C10orf67: variants seen among roughly 807,000 people sequenced by gnomAD.
C10orf67 encodes the protein uncharacterized protein C10orf67, mitochondrial.
In C10orf67, 60 loss-of-function variants were observed where a neutral mutation model predicts 35.6. That is an observed-to-expected ratio of 1.68 (90% confidence interval 1.37 to 2.09). The LOEUF is 2.09. Among genes scored for constraint, C10orf67 ranks in the 30% most tolerant of loss-of-function variants. The pLI is 0.00. For missense variants in C10orf67, 474 were observed against 330.2 expected, an observed-to-expected ratio of 1.44 and a Z score of -3.38; for synonymous variants, 167 against 115.8, an observed-to-expected ratio of 1.44 and a Z score of -2.84.
chr10:23,252,481 T>G (rs542216210), intron 10 of C10orf67, among the ~76,000 whole-genome samples: 1 of 152,198 alleles, frequency 6.6e-6, no homozygotes, highest in Non-Finnish European at 1.5e-5. Context: ...GTTCACTCCG[T>G]AAATATTTGC....
intron 2 of C10orf67, among the ~76,000 whole-genome samples, chr10:23,325,475 TAAA>T (rs34980652): frequency 5.7e-5 from 6 of 106,024 alleles, no homozygotes; most frequent in Admixed American, 1.9e-4. Context: ...TTTGGGCTGC[TAAA>T]AAAAAAAAAA....
At chr10:23,229,823 T>C (rs1446823783) in intron 13 of C10orf67, among the ~76,000 whole-genome samples, 2 of 152,164 alleles carry the variant, frequency 1.3e-5, no homozygotes, top group African/African-American at 4.8e-5. Context: ...TAAAACTCTA[T>C]TGAAATAATA....
intron 2 of C10orf67, among the ~76,000 whole-genome samples, chr10:23,325,529 G>A (rs1226330094): frequency 7.3e-6 from 1 of 136,876 alleles, no homozygotes; most frequent in African/African-American, 2.7e-5. Flanking sequence ...AGTTAATTGT[G>A]TGCAAAAAAA....
At chr10:23,324,459 A>G (rs1845103821) in intron 2 of C10orf67, among the ~76,000 whole-genome samples, 1 of 152,136 alleles carries the variant, frequency 6.6e-6, no homozygotes, top group South Asian at 2.1e-4. Flanking sequence ...TCAAGGCCAC[A>G]TATGGTTTAC....
chr10:23,344,318 TGGGGAGGGAGCACGCGCGGGAGGA>T (rs1846049411), intron 1 of C10orf67: 4 of 435,404 alleles, frequency 9.2e-6, no homozygotes, highest in Middle Eastern at 5.7e-4. Flanking sequence ...GAAAGGAGGA[TGGGGAGGGAGCACGCGCGGGAGGA>T]GGGGAGTGGA....
chr10:23,307,993 T>C (rs893985715), intron 4 of C10orf67, among the ~76,000 whole-genome samples: 1 of 152,112 alleles, frequency 6.6e-6, no homozygotes, highest in African/African-American at 2.4e-5. Flanking sequence ...TGTCTACAGC[T>C]CAAACACTCT....
chr10:23,240,271 A>G (rs1447271669), intron 12 of C10orf67, among the ~76,000 whole-genome samples: 1 of 152,226 alleles, frequency 6.6e-6, no homozygotes, highest in Non-Finnish European at 1.5e-5. Context: ...CATAGAAGTA[A>G]TGGCAATGAT....
At chr10:23,321,077 GT>G (rs1844937651) in intron 3 of C10orf67, among the ~76,000 whole-genome samples, 1 of 152,194 alleles carries the variant, frequency 6.6e-6, no homozygotes, top group Non-Finnish European at 1.5e-5. Flanking sequence ...TTTCACTTGA[GT>G]AAAGTCTTTC....
At chr10:23,275,161 T>C (rs1453306050) in intron 8 of C10orf67, among the ~76,000 whole-genome samples, 1 of 152,184 alleles carries the variant, frequency 6.6e-6, no homozygotes, top group Non-Finnish European at 1.5e-5. Context: ...TTCCATTTGC[T>C]TCTTTCAGGG....
At chr10:23,273,056 T>C (rs1843074623) in intron 8 of C10orf67, among the ~76,000 whole-genome samples, 1 of 152,222 alleles carries the variant, frequency 6.6e-6, no homozygotes, top group African/African-American at 2.4e-5. Flanking sequence ...CTGCATTCAC[T>C]TATTAATTCT....
intron 15 of C10orf67, among the ~76,000 whole-genome samples, chr10:23,205,935 TAGAA>T (rs1456763834): frequency 6.6e-6 from 1 of 152,246 alleles, no homozygotes; most frequent in Non-Finnish European, 1.5e-5. Context: ...TAATGCAATT[TAGAA>T]AGAAACACTT....
At chr10:23,218,085 C>A (rs1841478112) in intron 15 of C10orf67, among the ~76,000 whole-genome samples, 2 of 152,106 alleles carry the variant, frequency 1.3e-5, no homozygotes, top group African/African-American at 4.8e-5. Context: ...AATTTCTATA[C>A]CATTCGGAAT....
chr10:23,334,564 G>A (rs940428614), intron 1 of C10orf67, among the ~76,000 whole-genome samples: 5 of 152,194 alleles, frequency 3.3e-5, no homozygotes, highest in Admixed American at 6.5e-5. Flanking sequence ...CCTCAGATTT[G>A]TCCCCCACAG....
intron 7 of C10orf67, among the ~76,000 whole-genome samples, chr10:23,288,051 A>C (rs1843601261): frequency 6.6e-6 from 1 of 152,214 alleles, no homozygotes; most frequent in Non-Finnish European, 1.5e-5. Flanking sequence ...ATTGTGGAAG[A>C]CAGTATGGAG....
At chr10:23,288,004 C>G (rs2132252960) in intron 7 of C10orf67, among the ~76,000 whole-genome samples, 1 of 152,296 alleles carries the variant, frequency 6.6e-6, no homozygotes, top group East Asian at 1.9e-4. Flanking sequence ...AATAGGAACA[C>G]TTTTACACGT....
intron 13 of C10orf67, among the ~76,000 whole-genome samples, chr10:23,236,111 T>C (rs1842040473): frequency 6.6e-6 from 1 of 151,992 alleles, no homozygotes; most frequent in African/African-American, 2.4e-5. Flanking sequence ...TAGCCGGGCT[T>C]GGTGGCAGGC....
intron 7 of C10orf67, among the ~76,000 whole-genome samples, chr10:23,285,802 A>G (rs1843510208): frequency 6.6e-6 from 1 of 152,252 alleles, no homozygotes; most frequent in African/African-American, 2.4e-5. Context: ...AATTTAAATA[A>G]TTGGAAATTA....
intron 13 of C10orf67, among the ~76,000 whole-genome samples, chr10:23,229,641 A>G (rs1446956614): frequency 6.6e-6 from 1 of 152,164 alleles, no homozygotes; most frequent in Non-Finnish European, 1.5e-5. Flanking sequence ...CCAGGAAGAT[A>G]CAATTATAAA....
intron 4 of C10orf67, among the ~76,000 whole-genome samples, chr10:23,305,858 T>C (rs1476552807): frequency 1.3e-5 from 2 of 152,094 alleles, no homozygotes; most frequent in African/African-American, 4.8e-5. Flanking sequence ...ATCATGATCT[T>C]AAAGATATTT....
Sources: gnomAD v4.1 joint callset for allele counts (sites outside exome capture counted in the v4.1 genomes callset) on GRCh38, gnomAD v4.1.1 for gene constraint, MANE v1.5 for transcripts, NCBI Gene and HGNC (gene_info 2026-07-23, HGNC 2026-07-21) for gene names.